ZNF729: variants seen among roughly 807,000 people sequenced by gnomAD.
The protein encoded by ZNF729 is zinc finger protein 729.
ZNF729 carries 15 observed loss-of-function variants against 12.2 expected under a neutral mutation model. The observed-to-expected ratio is 1.23, with a 90% confidence interval of 0.82 to 1.89. The LOEUF (loss-of-function observed/expected upper bound fraction) is 1.89. Ranked by LOEUF, ZNF729 falls within the 40% of genes most tolerant of loss-of-function variation. The pLI is 0.00. For missense variants in ZNF729, 1,540 were observed against 1,456.7 expected (o/e 1.06, Z -0.93); for synonymous variants, 492 against 476.3 (o/e 1.03, Z -0.43).
At chr19:22,309,865 T>C (rs1413202453) in intron 3 of ZNF729, among the ~76,000 whole-genome samples, 1 of 152,130 alleles carries the variant, frequency 6.6e-6, no homozygotes, top group African/African-American at 2.4e-5. Context: ...CATTTGTTTG[T>C]GTCATCTGTG....
At chr19:22,300,592 G>A (rs1401973967) in intron 1 of ZNF729, among the ~76,000 whole-genome samples, 1 of 152,122 alleles carries the variant, frequency 6.6e-6, no homozygotes, top group Non-Finnish European at 1.5e-5. Context: ...TAAATATGCA[G>A]GCAGAATTGC....
intron 3 of ZNF729, among the ~76,000 whole-genome samples, chr19:22,308,345 T>A (rs1392407697): frequency 6.6e-6 from 1 of 152,188 alleles, no homozygotes; most frequent in Admixed American, 6.5e-5. Context: ...TGTGCAAGTA[T>A]CTTTTTCATG....
At chr19:22,311,611 C>A (rs2145056124) in intron 3 of ZNF729, among the ~76,000 whole-genome samples, 1 of 152,184 alleles carries the variant, frequency 6.6e-6, no homozygotes, top group Admixed American at 6.5e-5. Context: ...TGGGGCCTAT[C>A]ATATGGTCTA....
At chr19:22,288,934 G>A (rs1968116394) in intron 1 of ZNF729, among the ~76,000 whole-genome samples, 1 of 152,128 alleles carries the variant, frequency 6.6e-6, no homozygotes, top group African/African-American at 2.4e-5. Context: ...ATACATCTGG[G>A]GCACTCACTG....
intron 1 of ZNF729, among the ~76,000 whole-genome samples, chr19:22,294,859 G>A (rs566320171): frequency 6.6e-6 from 1 of 151,806 alleles, no homozygotes; most frequent in East Asian, 1.9e-4. Flanking sequence ...GTTTTACTGT[G>A]TTGGCCAGGC....
In ZNF729 at chr19:22,316,794, A is replaced by T; in HGVS notation, c.3377A>T (p.His1126Leu). Residue 1126 changes from histidine to leucine, a missense_variant, in exon 4 of 4, where the codon CAT becomes CTT. Coordinates refer to ENST00000601693, the MANE Select transcript of ZNF729 (RefSeq NM_001242680.2). ...ACCCTTACGAAACATAAGATAATTC[A>T]TACTGGGGAGAAACCCTACAAATGT... ...SSTLTKHKIIHTGEKPYKCEE... is the reference protein window; with the variant it reads ...SSTLTKHKIILTGEKPYKCEE... The T allele has an allele frequency of 6.2e-7, 1 of 1,613,354 alleles. No homozygotes were observed. The highest frequency in any genetic ancestry group is 8.5e-7 in the Non-Finnish European group (1 of 1,179,956).
intron 1 of ZNF729, among the ~76,000 whole-genome samples, chr19:22,300,517 A>T (rs930133151): frequency 4.6e-5 from 7 of 152,216 alleles, no homozygotes; most frequent in African/African-American, 1.7e-4. Context: ...TTTACTCTAG[A>T]GGAAACTTTC....
Position 22,314,114 on chromosome 19 carries a change from G to A in ZNF729, c.697G>A (p.Asp233Asn), listed in dbSNP as rs538312515. The change falls in exon 4 of 4, where the codon GAC (aspartate) becomes AAC (asparagine). Residue 233 changes from aspartate to asparagine, a missense_variant. Asp to Asn is a conservative substitution (Grantham distance 23, BLOSUM62 1). Coordinates refer to ENST00000601693, the MANE Select transcript of ZNF729 (RefSeq NM_001242680.2). ...LTKHKIIHTE[D>N]KPYKYKKCGN... is the part of the protein sequence containing the mutation. ...TAAACATAAGATAATTCATACTGAA[G>A]ACAAACCTTACAAATATAAGAAATG... The A allele has an allele frequency of 3.2e-6, 5 of 1,550,280 alleles. No homozygotes were observed. The African/African-American group carries it at 4.1e-5, about 13-fold the overall frequency.
intron 1 of ZNF729, among the ~76,000 whole-genome samples, chr19:22,291,578 A>G (rs57772560): frequency 0.025 from 3,784 of 152,068 alleles, 154 homozygotes; most frequent in African/African-American, 0.087. Flanking sequence ...TTCTCCACCA[A>G]CCTGGGGTTC....
intron 1 of ZNF729, among the ~76,000 whole-genome samples, chr19:22,300,020 A>G (rs1968284472): frequency 1.3e-5 from 2 of 152,244 alleles, no homozygotes; most frequent in African/African-American, 4.8e-5. Context: ...GATGTAGCCA[A>G]GTGCTCAGGG....
Position 22,315,954 on chromosome 19 carries a change from A to G in ZNF729, c.2537A>G (p.His846Arg), listed in dbSNP as rs1443972670. The change falls in exon 4 of 4, where the codon CAT (histidine) becomes CGT (arginine). Residue 846 changes from histidine (H) to arginine (R), a missense_variant. By Grantham distance (29) the His-to-Arg change is conservative. Coordinates refer to ENST00000601693, the MANE Select transcript of ZNF729 (RefSeq NM_001242680.2). The stretch of plus-strand genomic sequence containing the variant: ...GCCCTTAGAAAACATAAGGTAATTC[A>G]TACTGGAAAGAAACCCTACAAATGT... Reference protein sequence around the residue: ...FSALRKHKVIHTGKKPYKCEE... With the variant: ...FSALRKHKVIRTGKKPYKCEE... 3 of 1,611,098 alleles carry G rather than the reference A, an allele frequency of 1.9e-6. No homozygotes were observed. Among genetic ancestry groups the G allele is most frequent in the Non-Finnish European group, 2.5e-6 (3 of 1,179,748 alleles).
intron 1 of ZNF729, among the ~76,000 whole-genome samples, chr19:22,298,702 C>T (rs550370231): frequency 3.0e-4 from 45 of 152,114 alleles, no homozygotes; most frequent in East Asian, 2.3e-3. Context: ...TTAGTAGAGA[C>T]GGGGTTTCAC....
At chr19:22,300,605 C>G (rs1968292847) in intron 1 of ZNF729, among the ~76,000 whole-genome samples, 2 of 152,202 alleles carry the variant, frequency 1.3e-5, no homozygotes, top group African/African-American at 2.4e-5. Flanking sequence ...AGAATTGCTT[C>G]TCTGCCAATT....
At chr19:22,296,182 A>G (rs1048941940) in intron 1 of ZNF729, among the ~76,000 whole-genome samples, 9 of 152,186 alleles carry the variant, frequency 5.9e-5, no homozygotes, top group Admixed American at 2.6e-4. Flanking sequence ...CAATTTTGGA[A>G]TAGTTTTAGT....
Position 22,316,170 on chromosome 19 carries a change from A to T in ZNF729, c.2753A>T (p.Lys918Met). Residue 918 changes from lysine to methionine, a missense_variant, in exon 4 of 4, where the codon AAG becomes ATG. Lys to Met is a moderately conservative substitution (Grantham distance 95). Coordinates refer to ENST00000601693, the MANE Select transcript of ZNF729 (RefSeq NM_001242680.2). ...TGTGAAGAATGTGGCAAAGCTTTTA[A>T]GCATTTCTCAGCCCTTAGAAAACAT... ...CKCEECGKAFKHFSALRKHKI... is the reference protein window; with the variant it reads ...CKCEECGKAFMHFSALRKHKI... 6.3e-7 allele frequency: 1 copy of T among 1,580,992 alleles called. No individual in the cohort carries two copies. The highest frequency in any genetic ancestry group is 8.7e-7 in the Non-Finnish European group (1 of 1,154,840).
At chr19:22,301,020 A>G (rs982440439) in intron 1 of ZNF729, among the ~76,000 whole-genome samples, 1 of 152,082 alleles carries the variant, frequency 6.6e-6, no homozygotes, top group African/African-American at 2.4e-5. Flanking sequence ...ATGAGAGCAG[A>G]ATTATGTTTC....
Position 22,290,026 on chromosome 19 carries a change from C to A in ZNF729, c.30+3471C>A, listed in dbSNP as rs1293916813. ...ACATGTACACTGTGTTAGAGTAATT[C>A]TGCTGAATTTTTCAAACACTTACTT... On this transcript the variant is annotated intron_variant, in intron 1 of 3. Transcript: ENST00000601693. Among the ~76,000 whole-genome samples the A allele has an allele frequency of 2.6e-5, 4 of 152,128 alleles. No homozygotes were observed. The East Asian group carries it at 7.7e-4, about 29-fold the overall frequency.
chr19:22,304,572 T>G (rs1968355880), intron 2 of ZNF729, 116 bp from the exon 3 acceptor site: 2 of 885,580 alleles, frequency 2.3e-6, no homozygotes, highest in African/African-American at 3.4e-5. Context: ...GAAATGTATG[T>G]TATAAATTAG....
rs146309502 is a variant in ZNF729 at position 22,313,533 on chromosome 19, T to C, written c.254-138T>C. ...TCAGTATGTTTTTGTTACATTTATA[T>C]GTCTATGAAGAAATTAGGGCCTGTC... is the stretch of plus-strand genomic sequence containing the variant. On this transcript the variant is annotated intron_variant, in intron 3 of 3. Coordinates refer to ENST00000601693, the MANE Select transcript of ZNF729 (RefSeq NM_001242680.2). 4.5e-3 allele frequency: 3,187 copies of C among 712,804 alleles called. 94 individuals carry two copies. In the African/African-American group the frequency reaches 0.053, roughly 12 times the overall value. 44.2% of individuals were successfully genotyped at this position (712,804 alleles called of 1,614,324 possible).
Sources: gnomAD v4.1 joint callset for allele counts (sites outside exome capture counted in the v4.1 genomes callset) on GRCh38, gnomAD v4.1.1 for gene constraint, MANE v1.5 for transcripts, NCBI Gene and HGNC (gene_info 2026-07-23, HGNC 2026-07-21) for gene names.